The following ANKS1B variants were observed in gnomAD, a reference collection of about 807,000 sequenced individuals.
The protein encoded by ANKS1B is ankyrin repeat and sterile alpha motif domain containing 1B.
In ANKS1B, 36 loss-of-function variants were observed where a neutral mutation model predicts 148.3. The ratio of observed to expected loss-of-function variants is 0.24; its 90% CI spans 0.19 to 0.32. The LOEUF (loss-of-function observed/expected upper bound fraction) is 0.32, where lower values mean the gene tolerates loss of function less well. ANKS1B is among the 10% of genes least tolerant of loss of function. The pLI, the probability that ANKS1B is intolerant of heterozygous loss-of-function variation, is 1.00. For missense variants in ANKS1B, 1,157 were observed against 1,542.6 expected (o/e 0.75, Z 4.19); for synonymous variants, 542 against 560.8 (o/e 0.97, Z 0.47).
chr12:99,518,124 C>T (rs780041720), intron 9 of ANKS1B, among the ~76,000 whole-genome samples: 7 of 152,032 alleles, frequency 4.6e-5, no homozygotes, highest in Non-Finnish European at 7.4e-5. Flanking sequence ...AGTTTGCTAA[C>T]ATTTTGTTGA....
intron 12 of ANKS1B, among the ~76,000 whole-genome samples, chr12:99,383,658 C>T (rs1177429529): frequency 6.6e-6 from 1 of 152,026 alleles, no homozygotes. Context: ...TGCTTTCTTG[C>T]CATACACTCC....
chr12:99,411,177 AC>A (rs974822496), intron 11 of ANKS1B, among the ~76,000 whole-genome samples: 5 of 152,174 alleles, frequency 3.3e-5, no homozygotes, highest in African/African-American at 1.2e-4. Flanking sequence ...AAACCGCCTT[AC>A]AAAACCCTGG....
At chr12:99,497,942 A>G (rs767007431) in intron 10 of ANKS1B, among the ~76,000 whole-genome samples, 2 of 152,116 alleles carry the variant, frequency 1.3e-5, no homozygotes, top group Non-Finnish European at 2.9e-5. Flanking sequence ...AGCCTAAGCC[A>G]TGTTACCTAA....
At chr12:98,815,138 G>A (rs1214046792) in intron 19 of ANKS1B, among the ~76,000 whole-genome samples, 1 of 152,078 alleles carries the variant, frequency 6.6e-6, no homozygotes, top group Non-Finnish European at 1.5e-5. Flanking sequence ...CCTCTTTCCT[G>A]GAGCATTCTC....
intron 17 of ANKS1B, among the ~76,000 whole-genome samples, chr12:98,964,989 T>C (rs1210864725): frequency 6.6e-6 from 1 of 152,118 alleles, no homozygotes; most frequent in East Asian, 1.9e-4. Flanking sequence ...AAAGAAAGGA[T>C]AAATACTTGA....
intron 16 of ANKS1B, among the ~76,000 whole-genome samples, chr12:99,061,627 T>C (rs956903159): frequency 6.6e-6 from 1 of 152,204 alleles, no homozygotes; most frequent in African/African-American, 2.4e-5. Context: ...TTCAAGACTA[T>C]TATATGAGAG....
At chr12:99,414,723 C>A (rs1419142201) in intron 11 of ANKS1B, among the ~76,000 whole-genome samples, 1 of 152,136 alleles carries the variant, frequency 6.6e-6, no homozygotes, top group Non-Finnish European at 1.5e-5. Context: ...AGGAGAAATA[C>A]CTAACGTAAA....
rs1335910691 is a variant in ANKS1B, at chr12:98,914,451, C to T, written c.2779-82315G>A. Among the ~76,000 whole-genome samples the T allele has an allele frequency of 1.3e-5, 2 of 152,146 alleles. 1 individual carries two copies. The highest frequency in any genetic ancestry group is 4.1e-4 in the South Asian group (2 of 4,824). ...ATGCCATATACAAGTCCTCAGCAGT[C>T]ATGTCTACTCCAATCTTCCAGTGCC... On this transcript the variant is annotated intron_variant, in intron 17 of 26. Coordinates refer to ENST00000683438, the MANE Select transcript of ANKS1B (RefSeq NM_001352186.2).
chr12:99,982,513 C>A (rs1251134936), intron 1 of ANKS1B, among the ~76,000 whole-genome samples: 1 of 152,076 alleles, frequency 6.6e-6, no homozygotes, highest in Non-Finnish European at 1.5e-5. Context: ...TGAGAAAATT[C>A]TTTCAGCATA....
intron 1 of ANKS1B, among the ~76,000 whole-genome samples, chr12:99,951,992 A>T (rs886097572): frequency 1.3e-5 from 2 of 152,246 alleles, no homozygotes; most frequent in African/African-American, 4.8e-5. Context: ...GTATCAAAAT[A>T]TCACACTTTA....
intron 8 of ANKS1B, among the ~76,000 whole-genome samples, chr12:99,738,659 T>C (rs998804814): frequency 3.3e-5 from 5 of 152,174 alleles, no homozygotes; most frequent in African/African-American, 1.2e-4. Context: ...GAGTAACCAG[T>C]ACTACAAAGA....
intron 17 of ANKS1B, among the ~76,000 whole-genome samples, chr12:98,974,654 T>G (rs981512599): frequency 7.2e-5 from 11 of 151,986 alleles, no homozygotes; most frequent in African/African-American, 2.7e-4. Context: ...TTCACAAGAC[T>G]TGACACTTAA....
intron 22 of ANKS1B, among the ~76,000 whole-genome samples, chr12:98,792,979 C>A (rs957961181): frequency 2.6e-5 from 4 of 152,036 alleles, no homozygotes; most frequent in East Asian, 1.9e-4. Context: ...GGATATATAC[C>A]CAATAGTGGG....
intron 14 of ANKS1B, among the ~76,000 whole-genome samples, chr12:99,187,523 T>C (rs1215232660): frequency 6.6e-6 from 1 of 151,878 alleles, no homozygotes; most frequent in African/African-American, 2.4e-5. Context: ...CAGGAGAGAG[T>C]AGGGGAGCCA....
intron 9 of ANKS1B, among the ~76,000 whole-genome samples, chr12:99,575,852 C>T (rs552010530): frequency 6.6e-6 from 1 of 152,186 alleles, no homozygotes; most frequent in Non-Finnish European, 1.5e-5. Flanking sequence ...ATAAAGTCTA[C>T]ATAACAACCA....
intron 10 of ANKS1B, among the ~76,000 whole-genome samples, chr12:99,452,934 T>A (rs1367693654): frequency 1.3e-5 from 2 of 152,180 alleles, no homozygotes; most frequent in Non-Finnish European, 2.9e-5. Flanking sequence ...CTCATGGTAT[T>A]CACACTTTTG....
At chr12:99,145,395 G>A (rs2072676425) in intron 15 of ANKS1B, among the ~76,000 whole-genome samples, 1 of 152,084 alleles carries the variant, frequency 6.6e-6, no homozygotes, top group South Asian at 2.1e-4. Context: ...AGATAAGGCT[G>A]GAGAGGTGAG....
intron 1 of ANKS1B, among the ~76,000 whole-genome samples, chr12:99,858,249 A>C (rs1284832103): frequency 6.6e-6 from 1 of 152,214 alleles, no homozygotes; most frequent in Non-Finnish European, 1.5e-5. Context: ...AATTCTCAAA[A>C]GAAGATATAC....
At chr12:99,440,772 G>A (rs1000916371) in intron 11 of ANKS1B, among the ~76,000 whole-genome samples, 7 of 151,800 alleles carry the variant, frequency 4.6e-5, no homozygotes, top group South Asian at 2.1e-4. Context: ...GGACTCCTTC[G>A]TTACAATGGA....
Sources: allele counts gnomAD v4.1 joint callset (sites outside exome capture counted in the v4.1 genomes callset), GRCh38; gene constraint gnomAD v4.1.1; transcripts MANE v1.5; gene names NCBI Gene and HGNC (gene_info 2026-07-23, HGNC 2026-07-21).